Variants in N4BP2L2 observed in about 807,000 individuals in gnomAD.
N4BP2L2 encodes NEDD4-binding protein 2-like 2.
Under a neutral mutation model 56.2 loss-of-function variants are expected in N4BP2L2, and 50 were observed. The ratio of observed to expected loss-of-function variants is 0.89; its 90% CI spans 0.71 to 1.13. The LOEUF is 1.13. Ranked by LOEUF, N4BP2L2 falls within the 50% of genes most tolerant of loss-of-function variation. The pLI is 0.00. For missense variants in N4BP2L2, 689 were observed against 693.8 expected, an observed-to-expected ratio of 0.99 and a Z score of 0.08; for synonymous variants, 203 against 223.6, an observed-to-expected ratio of 0.91 and a Z score of 0.82.
intron 2 of N4BP2L2, among the ~76,000 whole-genome samples, chr13:32,535,046 G>C (rs1246903937): frequency 6.6e-6 from 1 of 152,136 alleles, no homozygotes; most frequent in Non-Finnish European, 1.5e-5. Context: ...AATCAAAAAA[G>C]GGTTCCTTCT....
At chr13:32,518,149 AAG>A (rs1467179036) in intron 5 of N4BP2L2, 146 bp from the exon 6 acceptor site, 2 of 772,586 alleles carry the variant, frequency 2.6e-6, no homozygotes, top group Non-Finnish European at 3.9e-6. Flanking sequence ...TTTATGTAAA[AAG>A]ACTTATTAAA....
intron 1 of N4BP2L2, among the ~76,000 whole-genome samples, chr13:32,538,403 G>C (rs1479258069): frequency 1.3e-5 from 2 of 152,170 alleles, no homozygotes; most frequent in East Asian, 3.9e-4. Flanking sequence ...GACTTCCAGA[G>C]TGAGCGACCC....
intron 5 of N4BP2L2, among the ~76,000 whole-genome samples, chr13:32,520,462 T>C (rs2050523604): frequency 6.6e-6 from 1 of 150,762 alleles, no homozygotes; most frequent in African/African-American, 2.4e-5. Context: ...ATCAAGACCA[T>C]CCTGGCTAAC....
chr13:32,489,765 G>GAAA (rs34893590), intron 6 of N4BP2L2, among the ~76,000 whole-genome samples: 5 of 137,814 alleles, frequency 3.6e-5, no homozygotes, highest in Non-Finnish European at 6.2e-5. Flanking sequence ...TTCCCCTCCT[G>GAAA]AAAAAAAAAA....
chr13:32,445,250 GAATA>G (rs35170916), intron 6 of N4BP2L2, among the ~76,000 whole-genome samples: 199 of 150,578 alleles, frequency 1.3e-3, no homozygotes, highest in African/African-American at 4.4e-3. Flanking sequence ...GACTCCAACT[GAATA>G]AATAAATAAA....
chr13:32,518,656 TAAAAA>T (rs1425324649), intron 5 of N4BP2L2, among the ~76,000 whole-genome samples: 3 of 151,970 alleles, frequency 2.0e-5, no homozygotes, highest in African/African-American at 7.3e-5. Context: ...GGCAAAACTT[TAAAAA>T]AAGAGATTAT....
intron 7 of N4BP2L2, among the ~76,000 whole-genome samples, chr13:32,442,024 C>T (rs750784360): frequency 6.6e-6 from 1 of 152,130 alleles, no homozygotes; most frequent in Non-Finnish European, 1.5e-5. Context: ...TGCAGTGAGC[C>T]GAGATCACGC....
intron 2 of N4BP2L2, among the ~76,000 whole-genome samples, chr13:32,530,042 T>C (rs2054253740): frequency 6.6e-6 from 1 of 152,132 alleles, no homozygotes; most frequent in Admixed American, 6.5e-5. Context: ...ATTTTTAAGA[T>C]GTTAATAATA....
chr13:32,536,418 C>A, exon 2 of N4BP2L2: 1 of 1,613,900 alleles, frequency 6.2e-7, no homozygotes, highest in South Asian at 1.1e-5. Flanking sequence ...TAAAATGGAA[C>A]AAATTGTTCC....
At chr13:32,450,085 G>A (rs1037074854) in intron 6 of N4BP2L2, among the ~76,000 whole-genome samples, 1 of 151,954 alleles carries the variant, frequency 6.6e-6, no homozygotes, top group African/African-American at 2.4e-5. Context: ...TCCAACAATT[G>A]GTGAAAACAC....
At chr13:32,493,156 C>T (rs2087613834) in intron 6 of N4BP2L2, among the ~76,000 whole-genome samples, 1 of 151,858 alleles carries the variant, frequency 6.6e-6, no homozygotes, top group Admixed American at 6.6e-5. Flanking sequence ...AACTCCTGAC[C>T]TCAGGTGATC....
Position 32,536,626 on chromosome 13 carries a change from C to A in N4BP2L2, c.402G>T (p.Lys134Asn). The A allele has an allele frequency of 2.5e-6, 4 of 1,613,866 alleles. No individual in the cohort carries two copies. In the South Asian group the frequency reaches 4.4e-5, roughly 18 times the overall value. Reference sequence around the variant, plus strand: ...CCTCATTCCTCCCTTCATTACGTTTCTTTTTCTCAGGGGGTTTGTAAATGG... The same window carrying A: ...CCTCATTCCTCCCTTCATTACGTTTATTTTTCTCAGGGGGTTTGTAAATGG... The change falls in exon 2 of 6, where the codon AAG (lysine) becomes AAT (asparagine). Residue 134 changes from lysine to asparagine, a missense_variant. Physicochemically the swap from Lys to Asn is moderately conservative, Grantham distance 94 (BLOSUM62 0). Transcript: ENST00000267068.
At chr13:32,441,664 A>G (rs1242459619) in intron 7 of N4BP2L2, among the ~76,000 whole-genome samples, 3 of 151,178 alleles carry the variant, frequency 2.0e-5, no homozygotes, top group African/African-American at 7.3e-5. Context: ...AGCCTGGGCG[A>G]CAAGAGCGAA....
Position 32,522,180 on chromosome 13 carries a change from A to C in N4BP2L2, c.1473+2T>G. 1 of 1,513,126 alleles carries C rather than the reference A, an allele frequency of 6.6e-7. No homozygotes were observed. Among genetic ancestry groups the C allele is most frequent in the Non-Finnish European group, 9.0e-7 (1 of 1,114,318 alleles). 93.7% of individuals were successfully genotyped at this position (1,513,126 alleles called of 1,614,324 possible). A position where few individuals can be genotyped will look rare whatever the true frequency, so the allele number is the denominator to read the frequency against. Reference sequence around the variant, plus strand: ...AAAAACTTTCTCATGTTTCATATTTACCACTTCCACATATGGCTTCATTTC... The same window carrying C: ...AAAAACTTTCTCATGTTTCATATTTCCCACTTCCACATATGGCTTCATTTC... On this transcript the variant is annotated splice_donor_variant, in intron 4 of 5. Coordinates refer to ENST00000267068, the Ensembl canonical transcript of N4BP2L2. LOFTEE classifies it high-confidence loss of function.
Position 32,436,785 on chromosome 13 carries a change from CAAAAAA to C in N4BP2L2, c.2191-386_2191-381del, listed in dbSNP as rs1174354861. The stretch of plus-strand genomic sequence containing the variant: ...AGCCTGGCTGAGAGAGTGTGACTGT[CAAAAAA>C]AAAAAAAAAAAAAAAAAAAGAAAGG... On this transcript the variant is annotated intron_variant, in intron 8 of 9. Transcript: ENST00000357505. Among the ~76,000 whole-genome samples the C allele has an allele frequency of 1.8e-4, 8 of 44,990 alleles. 1 individual carries two copies. The highest frequency in any genetic ancestry group is 3.9e-4 in the African/African-American group (5 of 12,716). 29.5% of individuals were successfully genotyped at this position (44,990 alleles called of 152,430 possible).
intron 8 of N4BP2L2, among the ~76,000 whole-genome samples, chr13:32,436,803 A>AG (rs1186089406): frequency 2.3e-5 from 3 of 128,164 alleles, no homozygotes; most frequent in Non-Finnish European, 4.7e-5. Flanking sequence ...AAAAAAAAAA[A>AG]AAAAAAAGAA....
rs2051213288 is a variant in N4BP2L2, at chr13:32,522,343, T to C, written c.1385-73A>G. 5 of 991,846 alleles carry C rather than the reference T, an allele frequency of 5.0e-6. No homozygotes were observed. The East Asian group carries it at 1.4e-4, about 28-fold the overall frequency. The allele number at this position is 991,846 out of a possible 1,614,324, so 61.4% of individuals were successfully genotyped here. On this transcript the variant is annotated intron_variant, in intron 3 of 5. Transcript: ENST00000267068. ...ACACACAAAAGTTAAACATTTATTA[T>C]TAAGAAATGTACTACGTCTCTGTAC...
chr13:32,495,206 T>A (rs147977637), intron 6 of N4BP2L2, among the ~76,000 whole-genome samples: 72 of 152,298 alleles, frequency 4.7e-4, no homozygotes, highest in African/African-American at 1.6e-3. Context: ...GCCAGTATAC[T>A]CTTACGGCCT....
intron 6 of N4BP2L2, among the ~76,000 whole-genome samples, chr13:32,463,166 T>C (rs1196262873): frequency 1.3e-5 from 2 of 151,712 alleles, no homozygotes; most frequent in East Asian, 3.9e-4. Flanking sequence ...GTGTAACAAC[T>C]GAAATAAAAA....
Sources: allele counts gnomAD v4.1 joint callset (sites outside exome capture counted in the v4.1 genomes callset), GRCh38; gene constraint gnomAD v4.1.1; transcripts MANE v1.5; gene names NCBI Gene and HGNC (gene_info 2026-07-23, HGNC 2026-07-21).